Variants in MAML2 observed in about 807,000 individuals in gnomAD.
MAML2 encodes the protein mastermind-like protein 2.
In MAML2, 22 loss-of-function variants were observed where a neutral mutation model predicts 96.1. The observed-to-expected ratio is 0.23, with a 90% CI of 0.16 to 0.33. MAML2 has a LOEUF of 0.33. MAML2 is among the 10% of genes least tolerant of loss of function. The probability of loss-of-function intolerance (pLI) is 1.00; values close to 1 mark genes in which losing one functional copy is unlikely to be tolerated. For missense variants in MAML2, 1,367 were observed against 1,392.4 expected (o/e 0.98, Z 0.29); for synonymous variants, 561 against 521.3 (o/e 1.08, Z -1.04).
intron 1 of MAML2, among the ~76,000 whole-genome samples, chr11:96,266,506 G>A (rs1032605524): frequency 6.6e-6 from 1 of 151,848 alleles, no homozygotes; most frequent in East Asian, 1.9e-4. Context: ...AGGAGGCGGA[G>A]CTTGCAGTGA....
At chr11:96,115,388 C>T (rs1047853389) in intron 1 of MAML2, among the ~76,000 whole-genome samples, 2 of 151,168 alleles carry the variant, frequency 1.3e-5, no homozygotes, top group Admixed American at 6.6e-5. Flanking sequence ...CCAGGCTGGT[C>T]GTGAACTCTT....
chr11:96,008,779 T>G (rs1484909598), intron 2 of MAML2, among the ~76,000 whole-genome samples: 3 of 152,202 alleles, frequency 2.0e-5, no homozygotes, highest in Non-Finnish European at 4.4e-5. Flanking sequence ...CTAAAAATTA[T>G]TTAACTAAAC....
At chr11:96,323,621 C>T (rs1863738368) in intron 1 of MAML2, among the ~76,000 whole-genome samples, 1 of 152,226 alleles carries the variant, frequency 6.6e-6, no homozygotes, top group Non-Finnish European at 1.5e-5. Context: ...TTGAGGCCCA[C>T]TCACAGTATA....
chr11:96,224,769 C>A (rs919691493), intron 1 of MAML2, among the ~76,000 whole-genome samples: 1 of 152,120 alleles, frequency 6.6e-6, no homozygotes, highest in African/African-American at 2.4e-5. Flanking sequence ...ACATAATGTT[C>A]TTTACTTGAA....
chr11:96,168,815 G>A (rs968460841), intron 1 of MAML2, among the ~76,000 whole-genome samples: 1 of 152,186 alleles, frequency 6.6e-6, no homozygotes, highest in African/African-American at 2.4e-5. Context: ...GCTGAGATCA[G>A]CTACAAACAC....
At chr11:96,118,606 A>G (rs1244729611) in intron 1 of MAML2, among the ~76,000 whole-genome samples, 1 of 152,228 alleles carries the variant, frequency 6.6e-6, no homozygotes, top group East Asian at 1.9e-4. Flanking sequence ...TAATTTCTCA[A>G]TAAATGTTTG....
At chr11:96,331,450 G>A (rs1416559829) in intron 1 of MAML2, among the ~76,000 whole-genome samples, 6 of 152,080 alleles carry the variant, frequency 3.9e-5, no homozygotes, top group African/African-American at 1.2e-4. Flanking sequence ...AACTTGGGCT[G>A]TAGTCCAAGA....
chr11:96,197,707 G>T (rs1361668131), intron 1 of MAML2, among the ~76,000 whole-genome samples: 3 of 152,196 alleles, frequency 2.0e-5, no homozygotes, highest in Admixed American at 2.0e-4. Context: ...CCTACTGGGA[G>T]CTTACAGTCT....
chr11:96,025,568 A>T (rs1459091892), intron 2 of MAML2, among the ~76,000 whole-genome samples: 1 of 152,154 alleles, frequency 6.6e-6, no homozygotes, highest in African/African-American at 2.4e-5. Context: ...TGTTATTATT[A>T]TTTGAGATGG....
chr11:96,212,150 T>TGTGGGG (rs60072122), intron 1 of MAML2, among the ~76,000 whole-genome samples: 18 of 127,610 alleles, frequency 1.4e-4, no homozygotes, highest in Middle Eastern at 4.5e-3. Flanking sequence ...TGTGTGTGTG[T>TGTGGGG]GGAAGGGGGA....
chr11:96,169,421 C>T (rs1034060791), intron 1 of MAML2, among the ~76,000 whole-genome samples: 4 of 152,212 alleles, frequency 2.6e-5, no homozygotes, highest in African/African-American at 9.7e-5. Flanking sequence ...TTTTCCTGCT[C>T]CCAGGCCCTG....
At chr11:96,197,904 A>G (rs1402697337) in intron 1 of MAML2, among the ~76,000 whole-genome samples, 2 of 152,174 alleles carry the variant, frequency 1.3e-5, no homozygotes, top group Non-Finnish European at 2.9e-5. Context: ...GATGGAGGAG[A>G]GTGTTCTAAA....
chr11:96,021,712 C>T (rs187583664), intron 2 of MAML2, among the ~76,000 whole-genome samples: 7 of 152,302 alleles, frequency 4.6e-5, no homozygotes, highest in Admixed American at 6.5e-5. Context: ...AACCCCTTTC[C>T]CCCATCGTGC....
intron 1 of MAML2, among the ~76,000 whole-genome samples, chr11:96,098,466 C>T (rs75762720): frequency 0.031 from 4,760 of 152,264 alleles, 259 homozygotes; most frequent in African/African-American, 0.11. Flanking sequence ...CCCACAATTA[C>T]GTTTAATTCA....
At chr11:96,017,840 A>G (rs1858379004) in intron 2 of MAML2, among the ~76,000 whole-genome samples, 2 of 152,188 alleles carry the variant, frequency 1.3e-5, no homozygotes, top group Admixed American at 6.5e-5. Flanking sequence ...GGGGTGGAGA[A>G]GCAGGGGAGA....
intron 2 of MAML2, among the ~76,000 whole-genome samples, chr11:96,035,323 G>C (rs936105562): frequency 2.0e-5 from 3 of 152,180 alleles, no homozygotes; most frequent in Admixed American, 6.5e-5. Context: ...ATTTCAAATA[G>C]AGTGTCTTTT....
At chr11:96,150,964 G>A (rs937874878) in intron 1 of MAML2, among the ~76,000 whole-genome samples, 4 of 152,140 alleles carry the variant, frequency 2.6e-5, no homozygotes, top group South Asian at 2.1e-4. Context: ...TAGACCTACC[G>A]AATCTAAATG....
At chr11:96,325,794 G>T (rs940632111) in intron 1 of MAML2, among the ~76,000 whole-genome samples, 1 of 152,168 alleles carries the variant, frequency 6.6e-6, no homozygotes, top group African/African-American at 2.4e-5. Flanking sequence ...CCCTGGAAAT[G>T]TCGGAATCAA....
At chr11:96,147,925 C>G (rs1565228870) in intron 1 of MAML2, among the ~76,000 whole-genome samples, 1 of 152,168 alleles carries the variant, frequency 6.6e-6, no homozygotes. Context: ...CTAGTCACAT[C>G]ACCTGCCACT....
Sources: gnomAD v4.1 joint callset for allele counts (sites outside exome capture counted in the v4.1 genomes callset) on GRCh38, gnomAD v4.1.1 for gene constraint, MANE v1.5 for transcripts, NCBI Gene and HGNC (gene_info 2026-07-23, HGNC 2026-07-21) for gene names.